Variants in ASCC3 observed in about 807,000 individuals in gnomAD.
ASCC3 encodes the protein activating signal cointegrator 1 complex subunit 3.
ASCC3 carries 158 observed loss-of-function variants against 256.3 expected under a neutral mutation model. The observed-to-expected ratio is 0.62, with a 90% CI of 0.54 to 0.70. The LOEUF (loss-of-function observed/expected upper bound fraction) is 0.70. Ranked by LOEUF, ASCC3 falls within the 30% of genes least tolerant of loss-of-function variation. The pLI, the probability that ASCC3 is intolerant of heterozygous loss-of-function variation, is 0.00. For missense variants in ASCC3, 2,259 were observed against 2,626.0 expected (o/e 0.86, Z 3.05); for synonymous variants, 948 against 883.4 (o/e 1.07, Z -1.30).
At chr6:100,568,647 T>A (rs956034638) in intron 36 of ASCC3, among the ~76,000 whole-genome samples, 1 of 151,740 alleles carries the variant, frequency 6.6e-6, no homozygotes, top group Non-Finnish European at 1.5e-5. Context: ...GGTTGTCTGT[T>A]TGGTCTTTTA....
At chr6:100,774,371 CT>C (rs144009364) in intron 8 of ASCC3, among the ~76,000 whole-genome samples, 17 of 144,684 alleles carry the variant, frequency 1.2e-4, no homozygotes, top group African/African-American at 3.0e-4. Context: ...ACCTGACTAA[CT>C]TTTTTTTTTC....
At chr6:100,679,481 A>G in intron 14 of ASCC3, 137 bp downstream of exon 14, 1 of 1,237,912 alleles carries the variant, frequency 8.1e-7, no homozygotes. Context: ...TTAAGTCAAG[A>G]AAAAAGTCAA....
intron 14 of ASCC3, among the ~76,000 whole-genome samples, chr6:100,668,537 T>A (rs1582664412): frequency 6.6e-6 from 1 of 152,058 alleles, no homozygotes; most frequent in Non-Finnish European, 1.5e-5. Flanking sequence ...ATTAAGAGAC[T>A]CTAGAGGACA....
At chr6:100,821,307 T>C (rs1000246877) in intron 4 of ASCC3, among the ~76,000 whole-genome samples, 4 of 152,292 alleles carry the variant, frequency 2.6e-5, no homozygotes, top group African/African-American at 9.6e-5. Flanking sequence ...TGAGCCACCA[T>C]GTGCAGCCTC....
chr6:100,548,099 T>C (rs1769086691), intron 36 of ASCC3, among the ~76,000 whole-genome samples: 1 of 148,506 alleles, frequency 6.7e-6, no homozygotes. Context: ...CTCTAGAAAA[T>C]GCAAATGAAT....
chr6:100,803,366 G>C (rs936295091), intron 5 of ASCC3, among the ~76,000 whole-genome samples: 2 of 152,050 alleles, frequency 1.3e-5, no homozygotes, highest in Non-Finnish European at 2.9e-5. Context: ...GTTCTCAGGA[G>C]GTCTGATAGT....
chr6:100,867,737 G>C (rs1243704862), intron 2 of ASCC3, among the ~76,000 whole-genome samples, 171 bp downstream of exon 2: 1 of 152,100 alleles, frequency 6.6e-6, no homozygotes, highest in Non-Finnish European at 1.5e-5. Context: ...GATGCTAAAC[G>C]TAAGTATTAC....
chr6:100,658,437 G>C (rs966906671), intron 16 of ASCC3, among the ~76,000 whole-genome samples: 1 of 151,246 alleles, frequency 6.6e-6, no homozygotes, highest in Non-Finnish European at 1.5e-5. Flanking sequence ...ATCATCATGA[G>C]TATGCATGCG....
chr6:100,508,324 T>C lies in ASCC3; in HGVS notation c.*1062A>G, dbSNP rs962552983. ...GAAAATGTTTTAAAATAATTCATTTTAGGGCTAAGAAAACTGAAATTATTT... is the reference window on the plus strand; with the variant it reads ...GAAAATGTTTTAAAATAATTCATTTCAGGGCTAAGAAAACTGAAATTATTT... On this transcript the variant is annotated 3_prime_UTR_variant, in exon 42 of 42. Transcript: ENST00000369162. The C allele has an allele frequency of 6.6e-6, 1 of 152,232 alleles. No homozygotes were observed. The highest frequency in any genetic ancestry group is 1.5e-5 in the Non-Finnish European group (1 of 68,024). The allele number at this position is 152,232 out of a possible 1,614,324, so 9.4% of individuals were successfully genotyped here.
intron 3 of ASCC3, chr6:100,858,194 A>C (rs1455829143): frequency 3.6e-5 from 16 of 441,298 alleles, no homozygotes; most frequent in Non-Finnish European, 4.5e-5. Context: ...TGTAATTTTT[A>C]ATGTGCTTCT....
chr6:100,867,818 C>T, intron 2 of ASCC3, 90 bp downstream of exon 2: 1 of 1,124,900 alleles, frequency 8.9e-7, no homozygotes, highest in South Asian at 1.3e-5. Context: ...TCCATGTTAA[C>T]CACATAGAAT....
intron 36 of ASCC3, among the ~76,000 whole-genome samples, chr6:100,584,317 A>T (rs1434185886): frequency 6.6e-6 from 1 of 151,448 alleles, no homozygotes; most frequent in Non-Finnish European, 1.5e-5. Flanking sequence ...CTTCTTGTTG[A>T]ATTGATCCCT....
intron 13 of ASCC3, among the ~76,000 whole-genome samples, chr6:100,693,462 TGC>T (rs1777931983): frequency 6.6e-6 from 1 of 152,168 alleles, no homozygotes; most frequent in African/African-American, 2.4e-5. Context: ...TTATTATATA[TGC>T]AAATACTTGA....
At chr6:100,847,053 C>A (rs1330314785) in intron 4 of ASCC3, among the ~76,000 whole-genome samples, 1 of 152,068 alleles carries the variant, frequency 6.6e-6, no homozygotes, top group Admixed American at 6.6e-5. Context: ...CCCCTTCCAA[C>A]AATCAGATTC....
chr6:100,736,731 T>G (rs1421489559), intron 10 of ASCC3, among the ~76,000 whole-genome samples: 1 of 152,192 alleles, frequency 6.6e-6, no homozygotes, highest in African/African-American at 2.4e-5. Context: ...ATCATTTCCC[T>G]GAGAATGAAT....
chr6:100,766,170 C>T (rs565997114), intron 10 of ASCC3, among the ~76,000 whole-genome samples: 1 of 152,028 alleles, frequency 6.6e-6, no homozygotes, highest in African/African-American at 2.4e-5. Flanking sequence ...GACCAAAAAG[C>T]TTATTATATG....
intron 37 of ASCC3, among the ~76,000 whole-genome samples, chr6:100,521,827 C>G (rs1479589317): frequency 6.6e-6 from 1 of 152,208 alleles, no homozygotes; most frequent in African/African-American, 2.4e-5. Flanking sequence ...GTAGCTTGCA[C>G]TGATACACTT....
intron 3 of ASCC3, among the ~76,000 whole-genome samples, chr6:100,849,515 AAGGATATTTATT>A (rs1772556588): frequency 6.6e-6 from 1 of 152,172 alleles, no homozygotes; most frequent in Admixed American, 6.5e-5. Context: ...TAATACCATC[AAGGATATTTATT>A]AAGCTGAAGA....
intron 5 of ASCC3, among the ~76,000 whole-genome samples, chr6:100,801,152 G>C (rs549027157): frequency 6.6e-5 from 10 of 152,066 alleles, no homozygotes; most frequent in East Asian, 1.9e-4. Context: ...TCTGTGGTTT[G>C]GTCAACTCAA....
Sources: gnomAD v4.1 joint callset for allele counts (sites outside exome capture counted in the v4.1 genomes callset) on GRCh38, gnomAD v4.1.1 for gene constraint, MANE v1.5 for transcripts, NCBI Gene and HGNC (gene_info 2026-07-23, HGNC 2026-07-21) for gene names.